Variants in PTPRD observed in about 807,000 individuals in gnomAD.
PTPRD encodes protein tyrosine phosphatase receptor type D.
In PTPRD, 34 loss-of-function variants were observed where a neutral mutation model predicts 214.5. The observed-to-expected ratio is 0.16, with a 90% confidence interval of 0.12 to 0.21. PTPRD has a LOEUF of 0.21. Ranked by LOEUF, PTPRD falls within the 10% of genes least tolerant of loss-of-function variation. The pLI, the probability that PTPRD is intolerant of heterozygous loss-of-function variation, is 1.00. For missense variants in PTPRD, 2,545 were observed against 2,398.7 expected, an observed-to-expected ratio of 1.06 and a Z score of -1.27; for synonymous variants, 1,128 against 845.7, an observed-to-expected ratio of 1.33 and a Z score of -5.79.
At chr9:9,496,038 C>T (rs2096170547) in intron 8 of PTPRD, among the ~76,000 whole-genome samples, 2 of 152,132 alleles carry the variant, frequency 1.3e-5, no homozygotes, top group Admixed American at 6.5e-5. Context: ...CACTCACATG[C>T]TCCCTCCTTC....
chr9:9,921,481 T>A (rs911922686), intron 5 of PTPRD, among the ~76,000 whole-genome samples: 3 of 151,882 alleles, frequency 2.0e-5, no homozygotes, highest in African/African-American at 7.3e-5. Flanking sequence ...TAGTAAAATA[T>A]CTTAGAATGA....
chr9:8,702,224 G>A lies in PTPRD; in HGVS notation c.64+31556C>T, dbSNP rs181458168. Among the ~76,000 whole-genome samples, 324 of 151,622 alleles carry A rather than the reference G, an allele frequency of 2.1e-3. 1 individual carries two copies. Among genetic ancestry groups the A allele is most frequent in the Non-Finnish European group, 3.0e-3 (205 of 67,954 alleles). On this transcript the variant is annotated intron_variant, in intron 12 of 45. Coordinates refer to ENST00000381196, the MANE Select transcript of PTPRD (RefSeq NM_002839.4). ...GGTCTACGTTTATATAGGACAGAAT[G>A]GCTGCCAGATAAATAAGCATTTTAG...
intron 33 of PTPRD, among the ~76,000 whole-genome samples, chr9:8,458,756 A>C (rs2096288003): frequency 6.6e-6 from 1 of 152,070 alleles, no homozygotes; most frequent in African/African-American, 2.4e-5. Context: ...TGGGTTCCTT[A>C]AGATACATGC....
rs917453080 is a variant in PTPRD, at chr9:9,437,188, G to A, written c.-236-39706C>T. On this transcript the variant is annotated intron_variant, in intron 8 of 45. Transcript: ENST00000381196. ...ATGTTAAAAGTTAAACACAAACAAC[G>A]AAATATCAGAGAATGAGCTCTTCCA... 3.9e-5 allele frequency among the ~76,000 whole-genome samples: 6 copies of A among 152,130 alleles called. No homozygotes were observed. In the South Asian group the frequency reaches 1.0e-3, roughly 26 times the overall value.
chr9:9,797,822 T>G (rs964378266), intron 5 of PTPRD, among the ~76,000 whole-genome samples: 5 of 152,038 alleles, frequency 3.3e-5, no homozygotes, highest in Non-Finnish European at 7.4e-5. Flanking sequence ...CACACCAGCC[T>G]GGCGGACAAC....
At chr9:8,453,362 C>T (rs1329623044) in intron 33 of PTPRD, among the ~76,000 whole-genome samples, 9 of 151,840 alleles carry the variant, frequency 5.9e-5, no homozygotes, top group South Asian at 2.1e-4. Flanking sequence ...GATGTGGTTT[C>T]GCCGTGTTAG....
intron 3 of PTPRD, among the ~76,000 whole-genome samples, chr9:10,219,546 A>C (rs2099556301): frequency 6.6e-6 from 1 of 151,870 alleles, no homozygotes; most frequent in Admixed American, 6.6e-5. Flanking sequence ...TAACTCCTTC[A>C]GGGTAAAAAG....
At chr9:9,244,122 C>T (rs1403767831) in intron 9 of PTPRD, among the ~76,000 whole-genome samples, 1 of 152,088 alleles carries the variant, frequency 6.6e-6, no homozygotes, top group Non-Finnish European at 1.5e-5. Context: ...AACCACTGCT[C>T]TACAAAATAA....
At chr9:8,364,339 CCACA>C (rs1364800066) in intron 39 of PTPRD, among the ~76,000 whole-genome samples, 1 of 152,330 alleles carries the variant, frequency 6.6e-6, no homozygotes, top group Admixed American at 6.5e-5. Context: ...GGACAGTGTA[CCACA>C]CACAGTTTTT....
chr9:8,923,188 C>T (rs993751900), intron 11 of PTPRD, among the ~76,000 whole-genome samples: 1 of 150,898 alleles, frequency 6.6e-6, no homozygotes, highest in Non-Finnish European at 1.5e-5. Context: ...ATTACAGGCG[C>T]CTGCCACCAC....
chr9:8,992,349 G>C (rs185994079), intron 11 of PTPRD, among the ~76,000 whole-genome samples: 2 of 152,198 alleles, frequency 1.3e-5, no homozygotes, highest in Non-Finnish European at 2.9e-5. Context: ...TAAAGAGTGT[G>C]ATCAACCTTT....
At chr9:10,272,274 T>G (rs62541414) in intron 3 of PTPRD, among the ~76,000 whole-genome samples, 1 of 152,146 alleles carries the variant, frequency 6.6e-6, no homozygotes, top group East Asian at 1.9e-4. Flanking sequence ...TCTTGTAACA[T>G]GTATCAGCAC....
At chr9:10,477,805 A>G (rs556702862) in intron 2 of PTPRD, among the ~76,000 whole-genome samples, 21 of 152,282 alleles carry the variant, frequency 1.4e-4, no homozygotes, top group African/African-American at 4.8e-4. Flanking sequence ...CAGCCATAAA[A>G]AAGGATGAGT....
intron 2 of PTPRD, among the ~76,000 whole-genome samples, chr9:10,569,137 A>C (rs1287844748): frequency 1.3e-5 from 2 of 152,194 alleles, no homozygotes; most frequent in Non-Finnish European, 2.9e-5. Flanking sequence ...TCTAAAAAGA[A>C]GACATTTATG....
chr9:9,912,560 G>A (rs1307786833), intron 5 of PTPRD, among the ~76,000 whole-genome samples: 1 of 152,180 alleles, frequency 6.6e-6, no homozygotes, highest in African/African-American at 2.4e-5. Flanking sequence ...TGGTAATGAA[G>A]CTCCCCTGAG....
chr9:9,465,703 A>G (rs1295272417), intron 8 of PTPRD, among the ~76,000 whole-genome samples: 1 of 152,092 alleles, frequency 6.6e-6, no homozygotes, highest in Non-Finnish European at 1.5e-5. Context: ...GGCACCAAAC[A>G]TTTAATGTGA....
intron 2 of PTPRD, among the ~76,000 whole-genome samples, chr9:10,408,718 C>A (rs976765828): frequency 6.6e-6 from 1 of 151,666 alleles, no homozygotes; most frequent in Admixed American, 6.6e-5. Context: ...CGTGTAACAA[C>A]TTGGGTTTAA....
chr9:9,790,966 G>C (rs1223467623), intron 5 of PTPRD, among the ~76,000 whole-genome samples: 2 of 152,166 alleles, frequency 1.3e-5, no homozygotes, highest in Non-Finnish European at 2.9e-5. Flanking sequence ...GAAGACAGAT[G>C]GTTCAGTACA....
At chr9:10,482,683 G>C (rs1267623866) in intron 2 of PTPRD, among the ~76,000 whole-genome samples, 3 of 151,952 alleles carry the variant, frequency 2.0e-5, no homozygotes, top group Non-Finnish European at 4.4e-5. Flanking sequence ...ACCAAGATGA[G>C]AATCAAACCA....
Sources: allele counts gnomAD v4.1 joint callset (sites outside exome capture counted in the v4.1 genomes callset), GRCh38; gene constraint gnomAD v4.1.1; transcripts MANE v1.5; gene names NCBI Gene and HGNC (gene_info 2026-07-23, HGNC 2026-07-21).